ZCCHC14: variants seen among roughly 807,000 people sequenced by gnomAD.
ZCCHC14 encodes the protein zinc finger CCHC domain-containing protein 14.
Under a neutral mutation model 85.0 loss-of-function variants are expected in ZCCHC14, and 16 were observed. The observed-to-expected ratio is 0.19, with a 90% CI of 0.13 to 0.29. The LOEUF (loss-of-function observed/expected upper bound fraction) is 0.29, where lower values mean the gene tolerates loss of function less well. Among genes scored for constraint, ZCCHC14 ranks in the 10% least tolerant of loss-of-function variants. The probability of loss-of-function intolerance (pLI) is 1.00; values close to 1 mark genes in which losing one functional copy is unlikely to be tolerated. For missense variants in ZCCHC14, 1,303 were observed against 1,443.5 expected (o/e 0.90, Z 1.58); for synonymous variants, 775 against 630.7 (o/e 1.23, Z -3.43).
At chr16:87,424,172 A>G (rs1377879311) in intron 3 of ZCCHC14, among the ~76,000 whole-genome samples, 1 of 152,114 alleles carries the variant, frequency 6.6e-6, no homozygotes, top group Admixed American at 6.5e-5. Context: ...ATCCCTGACA[A>G]TTGCTTGTGT....
intron 1 of ZCCHC14, among the ~76,000 whole-genome samples, chr16:87,487,325 T>C (rs1183792834): frequency 6.6e-6 from 1 of 152,138 alleles, no homozygotes; most frequent in African/African-American, 2.4e-5. Flanking sequence ...ATCAGCCCCA[T>C]GAAGCAGTTC....
chr16:87,453,125 C>T (rs1213940690), intron 2 of ZCCHC14, among the ~76,000 whole-genome samples: 1 of 152,224 alleles, frequency 6.6e-6, no homozygotes, highest in Non-Finnish European at 1.5e-5. Flanking sequence ...CAACCTCCAG[C>T]AAAGCCACCT....
chr16:87,423,955 G>C, intron 3 of ZCCHC14, 74 bp from the exon 4 acceptor site: 13 of 1,506,912 alleles, frequency 8.6e-6, no homozygotes, highest in African/African-American at 1.4e-5. Flanking sequence ...GTCCTGGTAC[G>C]ACTGGGGCAC....
At chr16:87,483,168 A>G (rs1212810026) in intron 1 of ZCCHC14, among the ~76,000 whole-genome samples, 1 of 151,926 alleles carries the variant, frequency 6.6e-6, no homozygotes, top group Non-Finnish European at 1.5e-5. Context: ...TCTAAAAACT[A>G]AGAACCCAGC....
chr16:87,453,294 G>T (rs117462769), intron 2 of ZCCHC14, among the ~76,000 whole-genome samples: 1 of 152,122 alleles, frequency 6.6e-6, no homozygotes, highest in African/African-American at 2.4e-5. Flanking sequence ...AAATAACAAA[G>T]AACGATTCTG....
intron 2 of ZCCHC14, among the ~76,000 whole-genome samples, chr16:87,438,491 A>C (rs536223391): frequency 6.6e-6 from 1 of 152,340 alleles, no homozygotes; most frequent in African/African-American, 2.4e-5. Context: ...GACACACGGG[A>C]AGGAGACGGA....
chr16:87,480,657 G>A (rs1050237018), intron 1 of ZCCHC14, among the ~76,000 whole-genome samples: 8 of 152,166 alleles, frequency 5.3e-5, no homozygotes, highest in African/African-American at 1.9e-4. Flanking sequence ...TGGGTTTAAC[G>A]GATGCTCCGC....
chr16:87,479,249 C>G (rs1173511966), intron 1 of ZCCHC14, among the ~76,000 whole-genome samples: 1 of 151,904 alleles, frequency 6.6e-6, no homozygotes, highest in Non-Finnish European at 1.5e-5. Context: ...AACCCTGTCT[C>G]TACTAAAAAT....
intron 1 of ZCCHC14, among the ~76,000 whole-genome samples, chr16:87,485,961 A>G (rs1206290238): frequency 1.3e-5 from 2 of 152,196 alleles, no homozygotes; most frequent in Non-Finnish European, 2.9e-5. Flanking sequence ...AAATGATACC[A>G]TCGTATTACT....
At chr16:87,479,897 CTTCCCAATG>C (rs1912188034) in intron 1 of ZCCHC14, among the ~76,000 whole-genome samples, 1 of 152,008 alleles carries the variant, frequency 6.6e-6, no homozygotes, top group South Asian at 2.1e-4. Flanking sequence ...TTAGAGAGTT[CTTCCCAATG>C]AAAGCTTTTG....
At chr16:87,469,997 T>TG (rs968217321) in intron 1 of ZCCHC14, among the ~76,000 whole-genome samples, 1 of 152,152 alleles carries the variant, frequency 6.6e-6, no homozygotes, top group South Asian at 2.1e-4. Flanking sequence ...CCCAGCACTT[T>TG]GGGGGGCTGA....
intron 1 of ZCCHC14, chr16:87,473,689 G>A (rs552191932): frequency 2.0e-5 from 3 of 152,118 alleles, no homozygotes; most frequent in Admixed American, 2.0e-4. Context: ...CCCTGAGATG[G>A]ACCATTCAAA....
In ZCCHC14 at chr16:87,489,927, G is replaced by A. The variant is rs570331498; in HGVS notation, c.570+1742C>T. Reference sequence around the variant, plus strand: ...CAGCCATAGAAATTATTAGTGGGTGGAATCTACACAAAGGAGTAACAGCAC... The same window carrying A: ...CAGCCATAGAAATTATTAGTGGGTGAAATCTACACAAAGGAGTAACAGCAC... On this transcript the variant is annotated intron_variant, in intron 1 of 12. Transcript: ENST00000671377. 4.9e-4 allele frequency among the ~76,000 whole-genome samples: 74 copies of A among 150,454 alleles called. 1 individual carries two copies. Among genetic ancestry groups the A allele is most frequent in the Admixed American group, 4.9e-3 (74 of 15,130 alleles).
intron 1 of ZCCHC14, among the ~76,000 whole-genome samples, chr16:87,484,415 G>C (rs1488068402): frequency 6.6e-6 from 1 of 152,182 alleles, no homozygotes; most frequent in Non-Finnish European, 1.5e-5. Flanking sequence ...AAAGAGGTTC[G>C]AGGCAAAAGG....
chr16:87,467,786 G>A (rs1911595948), intron 1 of ZCCHC14: 1 of 486,938 alleles, frequency 2.1e-6, no homozygotes, highest in African/African-American at 2.0e-5. Flanking sequence ...CAAGTAGCTG[G>A]GACTACAGGC....
At chr16:87,474,990 T>C (rs1430476434) in intron 1 of ZCCHC14, among the ~76,000 whole-genome samples, 5 of 152,320 alleles carry the variant, frequency 3.3e-5, no homozygotes, top group South Asian at 4.1e-4. Flanking sequence ...TTCAGGAGGA[T>C]AGAACGAAGT....
chr16:87,492,414 C>G lies in ZCCHC14; in HGVS notation c.-176G>C, dbSNP rs1162066626. On this transcript the variant is annotated 5_prime_UTR_variant, in exon 1 of 13. Transcript: ENST00000671377. The surrounding 1 kb of genome is among the most constrained non-coding windows in gnomAD (Gnocchi z 6.7). ...GCGGGCGCCGGGGCGGGGGCGGGGA[C>G]CGGGGCCGGGCAAGGCTCCCGTCAG... 6.9e-6 allele frequency: 1 copy of G among 144,554 alleles called. No individual in the cohort carries two copies. Among genetic ancestry groups the G allele is most frequent in the Non-Finnish European group, 1.5e-5 (1 of 65,468 alleles). 9.0% of individuals were successfully genotyped at this position (144,554 alleles called of 1,614,324 possible).
intron 5 of ZCCHC14, 28 bp from the exon 6 acceptor site, chr16:87,419,905 A>G: frequency 6.4e-7 from 1 of 1,559,950 alleles, no homozygotes; most frequent in Non-Finnish European, 8.7e-7. Flanking sequence ...GGTCTTATCA[A>G]CATTAAAATG....
chr16:87,466,005 A>G (rs1184571974), intron 1 of ZCCHC14, among the ~76,000 whole-genome samples: 3 of 152,170 alleles, frequency 2.0e-5, no homozygotes, highest in African/African-American at 7.2e-5. Flanking sequence ...GCACTGCGCA[A>G]TTAGACCAGA....
Sources: gnomAD v4.1 joint callset for allele counts (sites outside exome capture counted in the v4.1 genomes callset) on GRCh38, gnomAD v4.1.1 for gene constraint, Gnocchi (gnomAD v3.1) non-coding constraint, MANE v1.5 for transcripts, NCBI Gene and HGNC (gene_info 2026-07-23, HGNC 2026-07-21) for gene names.